RBMS3: variants seen among roughly 807,000 people sequenced by gnomAD.
The protein encoded by RBMS3 is RNA binding motif single stranded interacting protein 3.
Under a neutral mutation model 66.8 loss-of-function variants are expected in RBMS3, and 27 were observed. The observed-to-expected ratio is 0.40, with a 90% CI of 0.30 to 0.56. The LOEUF is 0.56. RBMS3 is among the 20% of genes least tolerant of loss of function. RBMS3 has a pLI of 0.40. For missense variants in RBMS3, 513 were observed against 549.5 expected (o/e 0.93, Z 0.66); for synonymous variants, 188 against 183.0 (o/e 1.03, Z -0.22).
At chr3:29,365,983 T>C (rs1048338743) in intron 1 of RBMS3, among the ~76,000 whole-genome samples, 4 of 152,166 alleles carry the variant, frequency 2.6e-5, no homozygotes, top group Non-Finnish European at 5.9e-5. Context: ...ATTTTACTCA[T>C]TTGCTCTTAT....
chr3:29,617,939 T>A (rs1375821185), intron 4 of RBMS3, among the ~76,000 whole-genome samples: 2 of 152,168 alleles, frequency 1.3e-5, no homozygotes, highest in African/African-American at 4.8e-5. Flanking sequence ...AGCGTGTATG[T>A]ATGTGTGTGT....
chr3:29,648,038 G>A lies in RBMS3; in HGVS notation c.399+60833G>A, dbSNP rs13434356. Among the ~76,000 whole-genome samples the A allele has an allele frequency of 4.0e-3, 615 of 152,086 alleles. 1 individual carries two copies. Among genetic ancestry groups the A allele is most frequent in the African/African-American group, 0.014 (574 of 41,496 alleles). The stretch of plus-strand genomic sequence containing the variant: ...AATAATGAGACATGGAAACCAGTGG[G>A]ATGGGCAGACCACATAAAACATATA... On this transcript the variant is annotated intron_variant, in intron 4 of 14. Coordinates refer to ENST00000383767, the MANE Select transcript of RBMS3 (RefSeq NM_001003793.3).
chr3:29,651,914 AT>A (rs71728887), intron 4 of RBMS3, among the ~76,000 whole-genome samples: 31,917 of 152,044 alleles, frequency 0.21, 3,787 homozygotes, highest in East Asian at 0.34. Flanking sequence ...CCATACTTAT[AT>A]TTTTCAGCCT....
chr3:29,587,777 T>G (rs2047585843), intron 4 of RBMS3, among the ~76,000 whole-genome samples: 1 of 151,992 alleles, frequency 6.6e-6, no homozygotes, highest in Admixed American at 6.6e-5. Flanking sequence ...ACTTTGGCCT[T>G]TATATGTAGA....
At chr3:29,408,734 G>T (rs180915218) in intron 1 of RBMS3, among the ~76,000 whole-genome samples, 1 of 152,154 alleles carries the variant, frequency 6.6e-6, no homozygotes, top group African/African-American at 2.4e-5. Context: ...TTGTGTAATC[G>T]CTGTACCAAC....
At chr3:29,979,430 A>T (rs6765275) in intron 12 of RBMS3, among the ~76,000 whole-genome samples, 27,049 of 152,150 alleles carry the variant, frequency 0.18, 2,755 homozygotes, top group East Asian at 0.34. Flanking sequence ...CATTTGAAGA[A>T]GTTTAGCTAA....
intron 14 of RBMS3, among the ~76,000 whole-genome samples, chr3:29,994,127 G>T (rs1415933957): frequency 1.3e-5 from 2 of 152,202 alleles, no homozygotes; most frequent in Non-Finnish European, 2.9e-5. Context: ...GAAGCGCAAG[G>T]GGTCAGGGAG....
chr3:29,451,757 C>T (rs2125761441), intron 2 of RBMS3, among the ~76,000 whole-genome samples: 1 of 152,182 alleles, frequency 6.6e-6, no homozygotes, highest in Non-Finnish European at 1.5e-5. Context: ...TTGAGATGGG[C>T]TAATGGACAG....
chr3:29,814,966 C>T (rs2057840023), intron 6 of RBMS3, among the ~76,000 whole-genome samples: 1 of 152,128 alleles, frequency 6.6e-6, no homozygotes, highest in Non-Finnish European at 1.5e-5. Context: ...CTTGAAAAAT[C>T]TAAGAGGATG....
chr3:29,763,089 G>T, intron 6 of RBMS3, 100 bp downstream of exon 6: 1 of 746,490 alleles, frequency 1.3e-6, no homozygotes, highest in Non-Finnish European at 2.2e-6. Context: ...CTGCAGAGTT[G>T]GGGGGTTTGC....
intron 1 of RBMS3, among the ~76,000 whole-genome samples, chr3:29,348,367 C>T (rs1450550538): frequency 2.6e-5 from 4 of 152,016 alleles, no homozygotes; most frequent in Non-Finnish European, 5.9e-5. Context: ...TATTAATAAT[C>T]GATGCAGGTG....
chr3:29,448,607 A>G (rs2041916323), intron 2 of RBMS3, among the ~76,000 whole-genome samples: 1 of 152,292 alleles, frequency 6.6e-6, no homozygotes, highest in Non-Finnish European at 1.5e-5. Flanking sequence ...CAGAGTTGAC[A>G]TTTTAGTGAG....
chr3:29,779,727 A>G (rs953894525), intron 6 of RBMS3, among the ~76,000 whole-genome samples: 1 of 146,924 alleles, frequency 6.8e-6, no homozygotes, highest in African/African-American at 2.5e-5. Flanking sequence ...ATATATATAA[A>G]CAACCCCAAA....
chr3:29,737,831 A>AGTGTGTGTGT (rs3070725), intron 4 of RBMS3, among the ~76,000 whole-genome samples: 39 of 145,852 alleles, frequency 2.7e-4, no homozygotes, highest in African/African-American at 1.0e-3. Context: ...GTGATAGTGG[A>AGTGTGTGTGT]GTGTGTGTGT....
At chr3:29,384,978 G>GTTATAACTCCTGA (rs1205974884) in intron 1 of RBMS3, among the ~76,000 whole-genome samples, 97 of 152,254 alleles carry the variant, frequency 6.4e-4, no homozygotes, top group African/African-American at 2.3e-3. Context: ...TAACTCCTGA[G>GTTATAACTCCTGA]GTTAAAAAAG....
intron 4 of RBMS3, among the ~76,000 whole-genome samples, chr3:29,618,521 A>AG (rs2048749526): frequency 6.6e-6 from 1 of 152,032 alleles, no homozygotes; most frequent in African/African-American, 2.4e-5. Context: ...AAAGAAAGAA[A>AG]AAAAAAATAG....
At chr3:29,566,632 T>C (rs1293466783) in intron 3 of RBMS3, among the ~76,000 whole-genome samples, 8 of 49,928 alleles carry the variant, frequency 1.6e-4, no homozygotes, top group Middle Eastern at 0.019. Flanking sequence ...CAAAGCAAAA[T>C]GCAAAAAAAA....
chr3:29,947,484 AAG>A (rs1695399698), intron 12 of RBMS3, among the ~76,000 whole-genome samples: 4 of 151,688 alleles, frequency 2.6e-5, no homozygotes, highest in African/African-American at 9.6e-5. Flanking sequence ...GTTCAAAAGA[AAG>A]AAGGAAGCTT....
chr3:29,824,302 A>T (rs1045260187), intron 6 of RBMS3, among the ~76,000 whole-genome samples: 1 of 152,080 alleles, frequency 6.6e-6, no homozygotes, highest in African/African-American at 2.4e-5. Flanking sequence ...ACCCTGTGAG[A>T]TGGTGCCATC....
Sources: gnomAD v4.1 joint callset for allele counts (sites outside exome capture counted in the v4.1 genomes callset) on GRCh38, gnomAD v4.1.1 for gene constraint, MANE v1.5 for transcripts, NCBI Gene and HGNC (gene_info 2026-07-23, HGNC 2026-07-21) for gene names.